The following TPO variants were observed in gnomAD, a reference collection of about 807,000 sequenced individuals.
TPO encodes thyroid microsomal antigen.
A neutral mutation model predicts 96.9 loss-of-function variants in TPO; 78 were observed. The ratio of observed to expected loss-of-function variants is 0.81; its 90% CI spans 0.67 to 0.97. TPO has a LOEUF of 0.97. Among genes scored for constraint, TPO ranks in the 50% least tolerant of loss-of-function variants. The probability of loss-of-function intolerance (pLI) is 0.00; values close to 1 mark genes in which losing one functional copy is unlikely to be tolerated. For missense variants in TPO, 1,252 were observed against 1,274.8 expected, an observed-to-expected ratio of 0.98 and a Z score of 0.27; for synonymous variants, 547 against 538.0, an observed-to-expected ratio of 1.02 and a Z score of -0.23.
chr2:1,403,056 A>G (rs1662195584), intron 1 of TPO, among the ~76,000 whole-genome samples: 1 of 152,210 alleles, frequency 6.6e-6, no homozygotes, highest in Non-Finnish European at 1.5e-5. Flanking sequence ...TTCCTGTATC[A>G]CTATGTTTTT....
At chr2:1,381,942 A>C (rs989628290) in intron 1 of TPO, among the ~76,000 whole-genome samples, 9 of 152,190 alleles carry the variant, frequency 5.9e-5, no homozygotes, top group African/African-American at 2.2e-4. Flanking sequence ...TGTGCCTGGC[A>C]GCATAAGCAC....
At position 1,496,475 on chromosome 2, in the gene TPO, G is replaced by A; in HGVS notation, c.2216-120G>A. The A allele has an allele frequency of 5.6e-6, 8 of 1,423,866 alleles. No individual in the cohort carries two copies. In the South Asian group the frequency reaches 8.4e-5, roughly 15 times the overall value. 88.2% of individuals were successfully genotyped at this position (1,423,866 alleles called of 1,614,324 possible). A position where few individuals can be genotyped will look rare whatever the true frequency, so the allele number is the denominator to read the frequency against. ...GGGTGCTCAGTGAGTGACCACAGCA[G>A]GGCTCCCCGGCCCTGGCACCAGCCC... On this transcript the variant is annotated intron_variant, in intron 12 of 16. Transcript: ENST00000329066.
At chr2:1,411,000 C>T (rs547250679), upstream of TPO, among the ~76,000 whole-genome samples, 2 of 152,222 alleles carry the variant, frequency 1.3e-5, no homozygotes, top group East Asian at 3.9e-4. Flanking sequence ...TTAGTTGCCT[C>T]TCTTTCATTC....
chr2:1,465,783 T>C (rs1238988158), intron 7 of TPO, among the ~76,000 whole-genome samples: 1 of 152,212 alleles, frequency 6.6e-6, no homozygotes, highest in Non-Finnish European at 1.5e-5. Context: ...TGATCAGTTC[T>C]AGGAGCTTTC....
At chr2:1,530,396 A>G (rs1259677253) in intron 15 of TPO, among the ~76,000 whole-genome samples, 1 of 144,644 alleles carries the variant, frequency 6.9e-6, no homozygotes, top group Non-Finnish European at 1.5e-5. Flanking sequence ...ACTTCCCTAA[A>G]TCCCCTAAAC....
intron 15 of TPO, among the ~76,000 whole-genome samples, chr2:1,531,152 A>G (rs148746455): frequency 0.022 from 1,626 of 74,892 alleles, 114 homozygotes; most frequent in African/African-American, 0.094. Context: ...ACTGTGTGCA[A>G]CCTCCCCAAA....
intron 14 of TPO, among the ~76,000 whole-genome samples, chr2:1,516,479 C>A (rs959050941): frequency 2.1e-4 from 32 of 152,334 alleles, no homozygotes; most frequent in Non-Finnish European, 4.6e-4. Flanking sequence ...TCCCTTACAG[C>A]CCACCTTGCG....
chr2:1,412,737 G>C (rs1355594654), upstream of TPO, among the ~76,000 whole-genome samples: 1 of 152,174 alleles, frequency 6.6e-6, no homozygotes, highest in Non-Finnish European at 1.5e-5. Flanking sequence ...GGCATGAAGA[G>C]GCTCCAAGTC....
chr2:1,466,183 T>C (rs1190124022), intron 7 of TPO, among the ~76,000 whole-genome samples: 1 of 152,348 alleles, frequency 6.6e-6, no homozygotes, highest in East Asian at 1.9e-4. Flanking sequence ...GCTTACATGG[T>C]GTATCACATT....
intron 1 of TPO, among the ~76,000 whole-genome samples, chr2:1,406,057 T>C (rs1362821707): frequency 6.6e-6 from 1 of 152,366 alleles, no homozygotes; most frequent in East Asian, 1.9e-4. Context: ...TTGATTGACT[T>C]GGCTGGTTCA....
At chr2:1,388,450 G>T (rs991394445) in intron 1 of TPO, among the ~76,000 whole-genome samples, 1 of 152,186 alleles carries the variant, frequency 6.6e-6, no homozygotes, top group Non-Finnish European at 1.5e-5. Flanking sequence ...CTTGCAGTTG[G>T]ATCTCAGACT....
intron 1 of TPO, among the ~76,000 whole-genome samples, chr2:1,388,601 C>T (rs546634797): frequency 4.6e-5 from 7 of 152,316 alleles, no homozygotes; most frequent in Admixed American, 3.3e-4. Context: ...TTCCAGCTGC[C>T]GTCTGTCACA....
chr2:1,540,814 A>C, intron 16 of TPO, 91 bp downstream of exon 16: 2 of 1,605,766 alleles, frequency 1.2e-6, no homozygotes, highest in Non-Finnish European at 1.7e-6. Context: ...GGCTCCCTGC[A>C]TATTTCTGTT....
intron 15 of TPO, among the ~76,000 whole-genome samples, chr2:1,523,321 C>T (rs1182950590): frequency 1.8e-5 from 1 of 54,922 alleles, no homozygotes; most frequent in African/African-American, 9.2e-5. Context: ...GCAACCTCCC[C>T]AAATCCCCCC....
chr2:1,511,137 G>A (rs1674064125), intron 14 of TPO, among the ~76,000 whole-genome samples: 1 of 150,690 alleles, frequency 6.6e-6, no homozygotes, highest in African/African-American at 2.4e-5. Flanking sequence ...GCGGTTAAAG[G>A]AACTGTATTC....
chr2:1,514,399 C>T (rs1674470632), intron 14 of TPO, among the ~76,000 whole-genome samples: 2 of 152,192 alleles, frequency 1.3e-5, no homozygotes, highest in Admixed American at 1.3e-4. Flanking sequence ...TAAAATTAAC[C>T]ATCCCAGTCA....
chr2:1,477,304 C>T lies in TPO; in HGVS notation c.1038C>T (p.Ala346=), dbSNP rs758668401. 5.1e-6 allele frequency: 8 copies of T among 1,583,770 alleles called. No individual in the cohort carries two copies. The highest frequency in any genetic ancestry group is 1.2e-5 in the South Asian group (1 of 86,830). Residue 346 remains alanine (A), a synonymous_variant, in exon 8 of 17, where the codon GCC becomes GCT. Coordinates refer to ENST00000329066, the MANE Select transcript of TPO (RefSeq NM_001206744.2). The part of the protein sequence containing the change: ...LERQLRNWTS[A]EGLLRVHARL... ...GGCAGCTGCGGAACTGGACCAGTGCCGAAGGGCTGCTCCGCGTCCACGCGC... is the reference window on the plus strand; with the variant it reads ...GGCAGCTGCGGAACTGGACCAGTGCTGAAGGGCTGCTCCGCGTCCACGCGC...
intron 7 of TPO, among the ~76,000 whole-genome samples, chr2:1,473,954 T>A (rs912144331): frequency 2.0e-5 from 3 of 152,162 alleles, no homozygotes; most frequent in African/African-American, 7.2e-5. Context: ...AAAAAATAAT[T>A]TTATTATGTT....
intron 2 of TPO, among the ~76,000 whole-genome samples, chr2:1,418,363 C>T (rs1440158023): frequency 1.3e-5 from 2 of 151,838 alleles, no homozygotes; most frequent in African/African-American, 4.8e-5. Flanking sequence ...ATCAACTTGC[C>T]TGCAAACTGT....
Sources: allele counts gnomAD v4.1 joint callset (sites outside exome capture counted in the v4.1 genomes callset), GRCh38; gene constraint gnomAD v4.1.1; transcripts MANE v1.5; gene names NCBI Gene and HGNC (gene_info 2026-07-23, HGNC 2026-07-21).